Variants in PABPC4L observed in about 807,000 individuals in gnomAD.
PABPC4L encodes poly(A) binding protein cytoplasmic 4 like, also known as polyadenylate-binding protein 4-like.
For synonymous variants in PABPC4L, 169 were observed against 164.1 expected (o/e 1.03, Z -0.23); for missense variants, 452 against 451.4 (o/e 1.00, Z -0.01).
the PABPC4L span, among the ~76,000 whole-genome samples, chr4:134,039,504 G>A: frequency 2.6e-5 from 4 of 151,936 alleles, no homozygotes; most frequent in African/African-American, 9.7e-5. Flanking sequence ...TCTGGGTGCT[G>A]CTGTATTGGG....
the PABPC4L span, among the ~76,000 whole-genome samples, chr4:134,178,365 C>CAAAAAAAAAAAAAA: frequency 1.9e-5 from 2 of 104,064 alleles, no homozygotes; most frequent in Non-Finnish European, 4.0e-5. Context: ...AAGAAAAAAG[C>CAAAAAAAAAAAAAA]AAAAAAAAAA....
At chr4:134,025,832 G>A in the PABPC4L span, among the ~76,000 whole-genome samples, 1 of 152,078 alleles carries the variant, frequency 6.6e-6, no homozygotes, top group South Asian at 2.1e-4. Flanking sequence ...AATGATAAGA[G>A]AAAATATTTT....
the PABPC4L span, among the ~76,000 whole-genome samples, chr4:134,179,503 C>A: frequency 6.6e-6 from 1 of 152,078 alleles, no homozygotes; most frequent in Non-Finnish European, 1.5e-5. Context: ...ATCCAGCTAA[C>A]AACATGATGA....
At chr4:134,155,265 T>A in the PABPC4L span, among the ~76,000 whole-genome samples, 1 of 152,100 alleles carries the variant, frequency 6.6e-6, no homozygotes, top group East Asian at 1.9e-4. Context: ...AAAGTAGACT[T>A]CTTATTCAAG....
chr4:134,015,320 A>C, the PABPC4L span, among the ~76,000 whole-genome samples: 46,612 of 151,996 alleles, frequency 0.31, 7,527 homozygotes, highest in Admixed American at 0.39. Context: ...CCTTATCAAC[A>C]AAATTGTTTT....
In PABPC4L at chr4:134,199,619, A is replaced by T. The variant is rs1729778442; in HGVS notation, c.*288T>A. 1 of 252,646 alleles carries T rather than the reference A, an allele frequency of 4.0e-6. No individual in the cohort carries two copies. The highest frequency in any genetic ancestry group is 8.3e-5 in the East Asian group (1 of 11,980). 15.7% of individuals were successfully genotyped at this position (252,646 alleles called of 1,614,324 possible). A position where few individuals can be genotyped will look rare whatever the true frequency, so the allele number is the denominator to read the frequency against. ...ATAATTACCTCATTTCATTTGGTTC[A>T]AATGTAAAAATATATCTATTTATAC... On this transcript the variant is annotated 3_prime_UTR_variant, in exon 2 of 2. Transcript: ENST00000421491.
chr4:134,064,648 T>C, the PABPC4L span, among the ~76,000 whole-genome samples: 6 of 152,092 alleles, frequency 3.9e-5, no homozygotes. Flanking sequence ...GTTTGTTATA[T>C]AGGTAAAGTG....
chr4:134,009,874 T>C, the PABPC4L span, among the ~76,000 whole-genome samples: 9 of 152,074 alleles, frequency 5.9e-5, no homozygotes, highest in Admixed American at 5.9e-4. Flanking sequence ...CAGTTCTACA[T>C]TGAAAAGGGT....
the PABPC4L span, among the ~76,000 whole-genome samples, chr4:134,143,914 C>T: frequency 3.6e-3 from 547 of 151,508 alleles, 5 homozygotes; most frequent in Middle Eastern, 0.021. Flanking sequence ...ATTATTTATA[C>T]ATTTCACCTG....
At chr4:134,139,687 T>G in the PABPC4L span, among the ~76,000 whole-genome samples, 1 of 129,566 alleles carries the variant, frequency 7.7e-6, no homozygotes, top group Non-Finnish European at 1.5e-5. Context: ...ATTCATTCTT[T>G]TATTTTTTTA....
In PABPC4L at chr4:134,197,575, CATA is replaced by C. The variant is rs1206076753; in HGVS notation, c.*2329_*2331del. ...CAGGGGGAAAAGTCTAAAATGTAGT[CATA>C]ATATGCAAAGAAATCTAAAAATCCA... On this transcript the variant is annotated 3_prime_UTR_variant, in exon 2 of 2. Coordinates refer to ENST00000421491, the MANE Select transcript of PABPC4L (RefSeq NM_001114734.2). The C allele has an allele frequency of 1.3e-5, 2 of 151,488 alleles. No individual in the cohort carries two copies. The highest frequency in any genetic ancestry group is 4.8e-5 in the African/African-American group (2 of 41,352). 9.4% of individuals were successfully genotyped at this position (151,488 alleles called of 1,614,324 possible). A position where few individuals can be genotyped will look rare whatever the true frequency, so the allele number is the denominator to read the frequency against.
the PABPC4L span, among the ~76,000 whole-genome samples, chr4:134,146,342 A>AT: frequency 1.3e-5 from 1 of 74,328 alleles, no homozygotes; most frequent in Admixed American, 1.7e-4. Context: ...CAATACAGTG[A>AT]TTTTTAATGT....
chr4:134,072,447 T>C, the PABPC4L span, among the ~76,000 whole-genome samples: 2 of 152,170 alleles, frequency 1.3e-5, no homozygotes, highest in African/African-American at 2.4e-5. Context: ...TGTGACTCCA[T>C]AGGGATACCT....
chr4:134,073,408 C>T, the PABPC4L span, among the ~76,000 whole-genome samples: 1 of 152,214 alleles, frequency 6.6e-6, no homozygotes, highest in Non-Finnish European at 1.5e-5. Context: ...GCTCCATGGC[C>T]TTGGGCAGCT....
At chr4:133,959,692 A>T in the PABPC4L span, among the ~76,000 whole-genome samples, 1 of 152,194 alleles carries the variant, frequency 6.6e-6, no homozygotes, top group South Asian at 2.1e-4. Flanking sequence ...ACACACACGC[A>T]CTGGGAGAAG....
At chr4:134,120,994 A>G in the PABPC4L span, among the ~76,000 whole-genome samples, 9 of 150,390 alleles carry the variant, frequency 6.0e-5, no homozygotes, top group Non-Finnish European at 1.2e-4. Context: ...TTAGTGCTTT[A>G]TTTTCATTCA....
At chr4:133,987,249 G>T in the PABPC4L span, among the ~76,000 whole-genome samples, 1 of 152,176 alleles carries the variant, frequency 6.6e-6, no homozygotes, top group Non-Finnish European at 1.5e-5. Context: ...CATTTCTAAG[G>T]TATGTTATAT....
the PABPC4L span, among the ~76,000 whole-genome samples, chr4:134,073,133 A>T: frequency 6.6e-6 from 1 of 152,170 alleles, no homozygotes; most frequent in Admixed American, 6.5e-5. Flanking sequence ...TAAAAGTCCA[A>T]GTCCAAAGTC....
At chr4:134,001,339 ATTAT>A in the PABPC4L span, among the ~76,000 whole-genome samples, 1 of 151,904 alleles carries the variant, frequency 6.6e-6, no homozygotes, top group Non-Finnish European at 1.5e-5. Flanking sequence ...AGGAAGTCAT[ATTAT>A]ACATTATCCT....
Sources: gnomAD v4.1 joint callset for allele counts (sites outside exome capture counted in the v4.1 genomes callset) on GRCh38, gnomAD v4.1.1 for gene constraint, MANE v1.5 for transcripts, NCBI Gene and HGNC (gene_info 2026-07-23, HGNC 2026-07-21) for gene names.